Variants in TBC1D8 observed in about 807,000 individuals in gnomAD.
TBC1D8 encodes BUB2-like protein 1.
A neutral mutation model predicts 118.8 loss-of-function variants in TBC1D8; 65 were observed. The observed-to-expected ratio is 0.55, with a 90% CI of 0.45 to 0.67. The LOEUF (loss-of-function observed/expected upper bound fraction) is 0.67. TBC1D8 is among the 30% of genes least tolerant of loss of function. TBC1D8 has a pLI of 0.00. For missense variants in TBC1D8, 1,376 were observed against 1,471.2 expected, an observed-to-expected ratio of 0.94 and a Z score of 1.06; for synonymous variants, 566 against 595.8, an observed-to-expected ratio of 0.95 and a Z score of 0.73.
chr2:101,020,657 G>C (rs539479017), intron 17 of TBC1D8, among the ~76,000 whole-genome samples: 1 of 152,320 alleles, frequency 6.6e-6, no homozygotes, highest in African/African-American at 2.4e-5. Context: ...AGCAATGGCT[G>C]CATCTGGGAG....
intron 18 of TBC1D8, 199 bp downstream of exon 18, chr2:101,011,252 G>T (rs1679185056): frequency 1.4e-6 from 1 of 693,120 alleles, no homozygotes; most frequent in Non-Finnish European, 2.4e-6. Context: ...GGAACTTGGT[G>T]GTGGGGGCAA....
chr2:101,065,261 C>T (rs908042874), intron 2 of TBC1D8, among the ~76,000 whole-genome samples: 1 of 152,232 alleles, frequency 6.6e-6, no homozygotes, highest in African/African-American at 2.4e-5. Flanking sequence ...GTGTATAGTT[C>T]AGATCTGTTC....
At chr2:101,110,351 A>G (rs781614192) in intron 1 of TBC1D8, among the ~76,000 whole-genome samples, 1 of 152,186 alleles carries the variant, frequency 6.6e-6, no homozygotes, top group Non-Finnish European at 1.5e-5. Context: ...CACCAATAAT[A>G]GTACCATAGC....
At chr2:101,142,090 A>G (rs1261437084) in intron 1 of TBC1D8, among the ~76,000 whole-genome samples, 1 of 152,188 alleles carries the variant, frequency 6.6e-6, no homozygotes, top group East Asian at 1.9e-4. Flanking sequence ...TCTTAGAGAC[A>G]GTGGTCTCAC....
intron 5 of TBC1D8, among the ~76,000 whole-genome samples, chr2:101,047,062 C>A (rs1681754713): frequency 2.0e-5 from 3 of 152,186 alleles, no homozygotes; most frequent in Admixed American, 2.0e-4. Context: ...GGTCTTTTTT[C>A]CTTTCCGCTT....
chr2:101,148,481 G>A (rs1194118804), intron 1 of TBC1D8, among the ~76,000 whole-genome samples: 1 of 152,136 alleles, frequency 6.6e-6, no homozygotes, highest in Non-Finnish European at 1.5e-5. Context: ...AAGGAACTAT[G>A]GAGAGAAATA....
chr2:101,041,074 C>T (rs1037138251), intron 5 of TBC1D8, among the ~76,000 whole-genome samples: 5 of 152,186 alleles, frequency 3.3e-5, no homozygotes, highest in Non-Finnish European at 7.3e-5. Context: ...GAAATTGGAA[C>T]CCTACCGCAC....
At chr2:101,021,393 G>A (rs1010049524) in intron 17 of TBC1D8, among the ~76,000 whole-genome samples, 1 of 152,204 alleles carries the variant, frequency 6.6e-6, no homozygotes, top group African/African-American at 2.4e-5. Flanking sequence ...CAGGCCAGAG[G>A]TTGTGAAGGT....
At chr2:101,052,168 A>T (rs1682116236) in intron 4 of TBC1D8, among the ~76,000 whole-genome samples, 1 of 152,258 alleles carries the variant, frequency 6.6e-6, no homozygotes, top group Non-Finnish European at 1.5e-5. Flanking sequence ...ATCATTCATG[A>T]TCTCGTTCAG....
In TBC1D8 at chr2:101,140,583, C is replaced by T. The variant is rs570767554; in HGVS notation, c.127+10544G>A. Among the ~76,000 whole-genome samples the T allele has an allele frequency of 7.9e-5, 12 of 152,176 alleles. No individual in the cohort carries two copies. The South Asian group carries it at 2.5e-3, about 32-fold the overall frequency. ...TTAGATTCTGTCTGCATTATATCAA[C>T]GTTACAGGTACGTGTCAATCAGCAT... On this transcript the variant is annotated intron_variant, in intron 1 of 19. Transcript: ENST00000409318.
At chr2:101,083,839 G>T (rs747664988) in intron 2 of TBC1D8, among the ~76,000 whole-genome samples, 5 of 152,144 alleles carry the variant, frequency 3.3e-5, no homozygotes, top group Admixed American at 2.6e-4. Context: ...CAATGCTCAA[G>T]ACACAATAAA....
chr2:101,076,760 T>TAA (rs1273061129), intron 2 of TBC1D8, among the ~76,000 whole-genome samples: 1 of 152,262 alleles, frequency 6.6e-6, no homozygotes. Flanking sequence ...ATCTTGCCTT[T>TAA]AACCTTCAAA....
At chr2:101,125,101 T>A (rs569308477) in intron 1 of TBC1D8, among the ~76,000 whole-genome samples, 33 of 152,242 alleles carry the variant, frequency 2.2e-4, no homozygotes, top group African/African-American at 7.7e-4. Context: ...AATGCATTCA[T>A]CATCCAAACA....
At chr2:101,037,896 C>T (rs556185953) in intron 7 of TBC1D8, among the ~76,000 whole-genome samples, 188 bp from the exon 8 acceptor site, 6 of 152,232 alleles carry the variant, frequency 3.9e-5, no homozygotes, top group South Asian at 2.1e-4. Context: ...CTGCATGCTC[C>T]GGGTGAGGCT....
chr2:101,115,029 G>A (rs1677756450), intron 1 of TBC1D8, among the ~76,000 whole-genome samples: 1 of 152,196 alleles, frequency 6.6e-6, no homozygotes, highest in Non-Finnish European at 1.5e-5. Context: ...GCTTTCTCCA[G>A]CTACCAAGAA....
intron 1 of TBC1D8, among the ~76,000 whole-genome samples, chr2:101,138,491 A>C (rs1431001320): frequency 6.6e-6 from 1 of 152,150 alleles, no homozygotes; most frequent in Non-Finnish European, 1.5e-5. Context: ...GCCCCATTTC[A>C]GACGCCAGTC....
chr2:101,011,625 G>A, intron 17 of TBC1D8, 85 bp from the exon 18 acceptor site: 1 of 1,422,778 alleles, frequency 7.0e-7, no homozygotes, highest in Non-Finnish European at 9.8e-7. Context: ...GGCAACTAAA[G>A]GCTAAGCCAG....
At chr2:101,010,733 A>G (rs551021618) in intron 19 of TBC1D8, among the ~76,000 whole-genome samples, 196 bp downstream of exon 19, 1 of 152,048 alleles carries the variant, frequency 6.6e-6, no homozygotes, top group African/African-American at 2.4e-5. Flanking sequence ...AAATACAAAA[A>G]TAGCCAGACG....
At chr2:101,013,213 C>T (rs1185586265) in intron 17 of TBC1D8, among the ~76,000 whole-genome samples, 1 of 152,184 alleles carries the variant, frequency 6.6e-6, no homozygotes, top group Non-Finnish European at 1.5e-5. Flanking sequence ...TCTGCCGTCA[C>T]AGCATATGAA....
Sources: allele counts gnomAD v4.1 joint callset (sites outside exome capture counted in the v4.1 genomes callset), GRCh38; gene constraint gnomAD v4.1.1; transcripts MANE v1.5; gene names NCBI Gene and HGNC (gene_info 2026-07-23, HGNC 2026-07-21).